The following NRXN3 variants were observed in gnomAD, a reference collection of about 807,000 sequenced individuals.
NRXN3 encodes neurexin III.
A neutral mutation model predicts 137.6 loss-of-function variants in NRXN3; 32 were observed. The ratio of observed to expected loss-of-function variants is 0.23; its 90% CI spans 0.18 to 0.31. The LOEUF is 0.31. Among genes scored for constraint, NRXN3 ranks in the 10% least tolerant of loss-of-function variants. The pLI is 1.00. For synonymous variants in NRXN3, 798 were observed against 784.5 expected (o/e 1.02, Z -0.29); for missense variants, 1,574 against 2,062.5 (o/e 0.76, Z 4.59).
At chr14:79,577,007 AG>A (rs1193906409) in intron 16 of NRXN3, among the ~76,000 whole-genome samples, 1 of 152,124 alleles carries the variant, frequency 6.6e-6, no homozygotes, top group African/African-American at 2.4e-5. Context: ...AGATGGGGCC[AG>A]GTGGAGGTAA....
At chr14:78,173,201 G>A (rs2058905342) in intron 1 of NRXN3, among the ~76,000 whole-genome samples, 1 of 151,956 alleles carries the variant, frequency 6.6e-6, no homozygotes, top group Admixed American at 6.6e-5. Flanking sequence ...GAAGTCACCG[G>A]TTTGCAGAAT....
intron 4 of NRXN3, among the ~76,000 whole-genome samples, chr14:78,551,853 A>T (rs920507796): frequency 2.0e-5 from 3 of 151,922 alleles, no homozygotes; most frequent in South Asian, 4.2e-4. Context: ...TATTTTTTTT[A>T]AATAAAATAA....
intron 8 of NRXN3, among the ~76,000 whole-genome samples, chr14:78,727,335 A>G (rs2098490275): frequency 1.3e-5 from 2 of 152,212 alleles, no homozygotes; most frequent in South Asian, 2.1e-4. Context: ...AGTAACTCAC[A>G]TGAATATCAG....
chr14:78,439,670 C>G (rs2153695078), intron 4 of NRXN3, among the ~76,000 whole-genome samples: 1 of 152,178 alleles, frequency 6.6e-6, no homozygotes, highest in Admixed American at 6.5e-5. Context: ...AAAACTTTAT[C>G]CCTATTTTAC....
chr14:78,964,394 A>C (rs1015064934), intron 11 of NRXN3, among the ~76,000 whole-genome samples: 1 of 152,258 alleles, frequency 6.6e-6, no homozygotes, highest in African/African-American at 2.4e-5. Context: ...TGCTCCTGTA[A>C]CACCCATTCT....
At chr14:78,437,038 CA>C (rs1302607904) in intron 4 of NRXN3, among the ~76,000 whole-genome samples, 1 of 152,202 alleles carries the variant, frequency 6.6e-6, no homozygotes, top group African/African-American at 2.4e-5. Context: ...TTCTATGCCT[CA>C]GTTTCCTCAT....
chr14:79,539,378 CTA>C (rs1464766485), intron 16 of NRXN3, among the ~76,000 whole-genome samples: 1 of 152,150 alleles, frequency 6.6e-6, no homozygotes, highest in Non-Finnish European at 1.5e-5. Flanking sequence ...TTAATCACTG[CTA>C]TTCTGCCTCT....
chr14:79,349,827 T>C (rs559487214), intron 15 of NRXN3, among the ~76,000 whole-genome samples: 1 of 151,992 alleles, frequency 6.6e-6, no homozygotes, highest in African/African-American at 2.4e-5. Flanking sequence ...GAAAGAAGAT[T>C]ATGCAAAGAG....
chr14:78,819,640 T>C (rs1004002173), intron 10 of NRXN3, among the ~76,000 whole-genome samples: 15 of 152,160 alleles, frequency 9.9e-5, no homozygotes, highest in East Asian at 7.7e-4. Context: ...GGAGGTATTA[T>C]GGTAAATTTA....
At chr14:79,360,341 G>T (rs146150399) in intron 15 of NRXN3, among the ~76,000 whole-genome samples, 67 of 152,338 alleles carry the variant, frequency 4.4e-4, no homozygotes, top group African/African-American at 1.5e-3. Flanking sequence ...CTGACCTCAG[G>T]TGGTCCGCCT....
At chr14:79,138,576 G>A (rs1257811551) in intron 15 of NRXN3, among the ~76,000 whole-genome samples, 1 of 152,230 alleles carries the variant, frequency 6.6e-6, no homozygotes, top group Non-Finnish European at 1.5e-5. Flanking sequence ...AATCATTATG[G>A]CCAATGCCTA....
intron 15 of NRXN3, among the ~76,000 whole-genome samples, chr14:79,167,296 T>G (rs570984956): frequency 2.0e-5 from 3 of 152,172 alleles, no homozygotes; most frequent in African/African-American, 7.2e-5. Context: ...ACTGACCCAC[T>G]TACATGTTAT....
At chr14:79,175,081 C>T (rs1302144781) in intron 15 of NRXN3, among the ~76,000 whole-genome samples, 7 of 151,030 alleles carry the variant, frequency 4.6e-5, no homozygotes, top group African/African-American at 9.8e-5. Flanking sequence ...CCCGGGTTCA[C>T]GCCATTCTCC....
chr14:79,637,931 T>C (rs899657771), intron 16 of NRXN3, among the ~76,000 whole-genome samples: 1 of 141,694 alleles, frequency 7.1e-6, no homozygotes, highest in African/African-American at 2.8e-5. Flanking sequence ...GTTTTCAACA[T>C]GTTAGCCAGG....
chr14:79,143,998 A>T (rs1325930805), intron 15 of NRXN3, among the ~76,000 whole-genome samples: 1 of 152,208 alleles, frequency 6.6e-6, no homozygotes. Flanking sequence ...AGGCAAAAAG[A>T]TAGAATAATG....
chr14:78,436,276 C>T (rs916027667), intron 4 of NRXN3, among the ~76,000 whole-genome samples: 3 of 152,156 alleles, frequency 2.0e-5, no homozygotes, highest in African/African-American at 7.2e-5. Flanking sequence ...GTAATGATGC[C>T]AACCGCCCCC....
At chr14:78,219,616 A>G (rs947616666) in intron 1 of NRXN3, among the ~76,000 whole-genome samples, 2 of 152,316 alleles carry the variant, frequency 1.3e-5, no homozygotes, top group South Asian at 4.1e-4. Context: ...ATAATACATC[A>G]GTGGATTTAT....
chr14:78,707,770 G>A (rs143830260), intron 6 of NRXN3, among the ~76,000 whole-genome samples: 2,955 of 152,248 alleles, frequency 0.019, 49 homozygotes, highest in Non-Finnish European at 0.03. Context: ...CGTCTTCATA[G>A]CTTAGCTCCC....
intron 20 of NRXN3, among the ~76,000 whole-genome samples, chr14:79,815,078 C>A (rs372862007): frequency 4.6e-5 from 7 of 152,102 alleles, no homozygotes; most frequent in African/African-American, 1.7e-4. Context: ...CCAGAGAACA[C>A]GACATACATA....
Sources: gnomAD v4.1 joint callset for allele counts (sites outside exome capture counted in the v4.1 genomes callset) on GRCh38, gnomAD v4.1.1 for gene constraint, MANE v1.5 for transcripts, NCBI Gene and HGNC (gene_info 2026-07-23, HGNC 2026-07-21) for gene names.